The following LIPA variants were observed in gnomAD, a reference collection of about 807,000 sequenced individuals.
The protein encoded by LIPA is lipase A, lysosomal acid type.
Under a neutral mutation model 40.6 loss-of-function variants are expected in LIPA, and 26 were observed. That is an observed-to-expected ratio of 0.64 (90% CI 0.47 to 0.89). LIPA has a LOEUF of 0.89. LIPA is among the 40% of genes least tolerant of loss of function. LIPA has a pLI of 0.00. For synonymous variants in LIPA, 188 were observed against 168.4 expected, an observed-to-expected ratio of 1.12 and a Z score of -0.90; for missense variants, 455 against 479.6, an observed-to-expected ratio of 0.95 and a Z score of 0.48.
chr10:89,377,425 A>G (rs946616737), intron 2 of LIPA, among the ~76,000 whole-genome samples: 2 of 141,076 alleles, frequency 1.4e-5, no homozygotes, highest in Non-Finnish European at 3.2e-5. Flanking sequence ...AAGATCATCA[A>G]AACAGTCAAT....
intron 8 of LIPA, among the ~76,000 whole-genome samples, chr10:89,219,799 A>G (rs1422998819): frequency 6.6e-6 from 1 of 152,240 alleles, no homozygotes; most frequent in Admixed American, 6.5e-5. Flanking sequence ...ATGGCTGCAC[A>G]AAGCAACCAA....
Position 89,352,212 on chromosome 10 carries a change from G to T in LIPA, c.61+60579C>A, listed in dbSNP as rs74662820. ...CTTTGCAGTTTCAATGTGACAGCTC[G>T]CCAGTTTCACAAGGCAACCCTTTCT... On this transcript the variant is annotated intron_variant, in intron 2 of 8. Transcript: ENST00000371837. Among the ~76,000 whole-genome samples, 21 of 152,136 alleles carry T rather than the reference G, an allele frequency of 1.4e-4. No homozygotes were observed. The South Asian group carries it at 4.1e-3, about 30-fold the overall frequency.
At chr10:89,336,752 T>A (rs1354305481) in intron 1 of LIPA, among the ~76,000 whole-genome samples, 1 of 134,710 alleles carries the variant, frequency 7.4e-6, no homozygotes, top group Non-Finnish European at 1.5e-5. Flanking sequence ...GGTTCATAAC[T>A]TTTTTTCTGA....
intron 1 of LIPA, among the ~76,000 whole-genome samples, chr10:89,277,288 C>A (rs1843293468): frequency 6.6e-6 from 1 of 152,194 alleles, no homozygotes; most frequent in African/African-American, 2.4e-5. Flanking sequence ...AGTGTGCGAT[C>A]TTATACAAGT....
intron 2 of LIPA, among the ~76,000 whole-genome samples, chr10:89,348,806 C>T (rs555778714): frequency 2.0e-5 from 3 of 152,238 alleles, no homozygotes; most frequent in East Asian, 3.9e-4. Flanking sequence ...TCCATGCCTG[C>T]GTGGGGGTCC....
intron 7 of LIPA, 110 bp from the exon 8 acceptor site, chr10:89,222,692 A>C: frequency 6.6e-5 from 51 of 771,460 alleles, no homozygotes; most frequent in Non-Finnish European, 1.0e-4. Flanking sequence ...CCATAATCTC[A>C]AGTATGTGAG....
In LIPA at chr10:89,370,936, T is replaced by G. The variant is rs188176971; in HGVS notation, c.61+41855A>C. ...GGGAGGCTGAGACAGAAGAATTGCT[T>G]GAACCCAGGAGGCAGAGACTGCAGG... On this transcript the variant is annotated intron_variant, in intron 2 of 8. Transcript: ENST00000371837. 3.5e-3 allele frequency among the ~76,000 whole-genome samples: 530 copies of G among 152,296 alleles called. 8 individuals are homozygous for G. The highest frequency in any genetic ancestry group is 0.011 in the African/African-American group (468 of 41,564).
At chr10:89,358,856 T>C (rs982504881) in intron 2 of LIPA, among the ~76,000 whole-genome samples, 3 of 152,136 alleles carry the variant, frequency 2.0e-5, no homozygotes, top group Non-Finnish European at 4.4e-5. Context: ...TTTCTAGTGT[T>C]CGATAGTACA....
In LIPA at chr10:89,319,219, G is replaced by A. The variant is rs577149619; in HGVS notation, c.-2+23392C>T. Among the ~76,000 whole-genome samples, 20 of 152,234 alleles carry A rather than the reference G, an allele frequency of 1.3e-4. 1 individual carries two copies. The highest frequency in any genetic ancestry group is 4.8e-4 in the African/African-American group (20 of 41,528). ...GCAAGAAATAACTAAGATCAGAGCA[G>A]AACTGAAGGAGATAGAGACAAAAAA... On this transcript the variant is annotated intron_variant, in intron 1 of 5. Transcript: ENST00000282673.
chr10:89,252,840 A>C (rs890563385), upstream of LIPA, among the ~76,000 whole-genome samples: 5 of 150,790 alleles, frequency 3.3e-5, no homozygotes, highest in African/African-American at 1.2e-4. Context: ...AAGGAGGATG[A>C]TATGTATATG....
intron 1 of LIPA, chr10:89,306,857 C>G (rs748367775): frequency 9.9e-6 from 16 of 1,614,050 alleles, no homozygotes; most frequent in Non-Finnish European, 1.3e-5. Context: ...AGTAATGAAT[C>G]TAAGAGAGAA....
intron 1 of LIPA, among the ~76,000 whole-genome samples, chr10:89,316,610 T>G (rs1843542941): frequency 6.6e-6 from 1 of 152,246 alleles, no homozygotes; most frequent in Non-Finnish European, 1.5e-5. Context: ...CAAGGAGGCC[T>G]GCCTGCCTCT....
rs1369174847 is a variant in LIPA at position 89,277,786 on chromosome 10, G to A, written c.-1-30137C>T. On this transcript the variant is annotated intron_variant, in intron 1 of 5. Coordinates refer to the LIPA transcript ENST00000282673. The stretch of plus-strand genomic sequence containing the variant: ...GTGACTTCTTTCATTCATCTTCCAA[G>A]AAAACAAAGTACTACTATATTTGAA... The A allele has an allele frequency of 2.4e-4, 37 of 152,156 alleles. 1 individual carries two copies. 9.4% of individuals were successfully genotyped at this position (152,156 alleles called of 1,614,324 possible).
chr10:89,339,502 TGC>T, intron 1 of LIPA: 1 of 1,614,128 alleles, frequency 6.2e-7, no homozygotes, highest in Non-Finnish European at 8.5e-7. Flanking sequence ...CCAGATTGGG[TGC>T]TGCTACAAGG....
chr10:89,384,510 T>G, intron 2 of LIPA: 2 of 1,613,928 alleles, frequency 1.2e-6, no homozygotes, highest in African/African-American at 2.7e-5. Context: ...ATAAAGCAAT[T>G]ACCCATTATT....
rs570953047 is a variant in LIPA at position 89,386,102 on chromosome 10, C to T, written c.61+26689G>A. ...GGAGTTCAGTGGCTATTTACAAGCA[C>T]AGTCATAGCACGCTGCAGCCTTAAA... On this transcript the variant is annotated intron_variant, in intron 2 of 8. Transcript: ENST00000371837. Among the ~76,000 whole-genome samples the T allele has an allele frequency of 9.2e-5, 14 of 152,252 alleles. No individual in the cohort carries two copies. In the East Asian group the frequency reaches 2.7e-3, roughly 29 times the overall value.
At chr10:89,387,339 T>G (rs1844218068) in intron 2 of LIPA, among the ~76,000 whole-genome samples, 1 of 150,048 alleles carries the variant, frequency 6.7e-6, no homozygotes, top group Non-Finnish European at 1.5e-5. Context: ...AAAAAAAATC[T>G]ATTTTAACAA....
At chr10:89,399,147 T>A (rs1844386364) in intron 2 of LIPA, among the ~76,000 whole-genome samples, 1 of 152,192 alleles carries the variant, frequency 6.6e-6, no homozygotes, top group Non-Finnish European at 1.5e-5. Context: ...TCTTTGCATA[T>A]GTTTATTGGC....
chr10:89,293,308 C>T (rs150043922), intron 1 of LIPA, among the ~76,000 whole-genome samples: 24 of 152,294 alleles, frequency 1.6e-4, no homozygotes, highest in Non-Finnish European at 2.4e-4. Flanking sequence ...AAACCTCTTT[C>T]CCAGTCTCAG....
Sources: gnomAD v4.1 joint callset for allele counts (sites outside exome capture counted in the v4.1 genomes callset) on GRCh38, gnomAD v4.1.1 for gene constraint, MANE v1.5 for transcripts, NCBI Gene and HGNC (gene_info 2026-07-23, HGNC 2026-07-21) for gene names.